Variants in ZFYVE9 observed in about 807,000 individuals in gnomAD.
ZFYVE9 encodes zinc finger FYVE domain-containing protein 9.
In ZFYVE9, 43 loss-of-function variants were observed where a neutral mutation model predicts 126.7. The observed-to-expected ratio is 0.34, with a 90% CI of 0.27 to 0.44. The LOEUF (loss-of-function observed/expected upper bound fraction) is 0.44, where lower values mean the gene tolerates loss of function less well. Among genes scored for constraint, ZFYVE9 ranks in the 20% least tolerant of loss-of-function variants. The probability of loss-of-function intolerance (pLI) is 1.00; values close to 1 mark genes in which losing one functional copy is unlikely to be tolerated. For synonymous variants in ZFYVE9, 521 were observed against 597.4 expected (o/e 0.87, Z 1.87); for missense variants, 1,476 against 1,697.0 (o/e 0.87, Z 2.29).
intron 1 of ZFYVE9, among the ~76,000 whole-genome samples, chr1:52,184,146 C>T (rs1644741323): frequency 6.7e-6 from 1 of 149,072 alleles, no homozygotes; most frequent in Admixed American, 6.7e-5. Context: ...TAAATTAGGT[C>T]ATTTCATGGT....
intron 1 of ZFYVE9, among the ~76,000 whole-genome samples, chr1:52,145,674 A>C (rs1165438735): frequency 2.0e-5 from 3 of 152,204 alleles, no homozygotes; most frequent in Non-Finnish European, 4.4e-5. Context: ...GGAGGTGCTC[A>C]ATAAATGTAC....
At chr1:52,295,343 T>G (rs764865263) in intron 11 of ZFYVE9, among the ~76,000 whole-genome samples, 22 of 62,480 alleles carry the variant, frequency 3.5e-4, no homozygotes, top group South Asian at 3.3e-3. Context: ...CTTGTGGGTT[T>G]GTTTGTTTGT....
At chr1:52,177,863 A>T (rs909633113) in intron 1 of ZFYVE9, among the ~76,000 whole-genome samples, 1 of 152,124 alleles carries the variant, frequency 6.6e-6, no homozygotes, top group Admixed American at 6.6e-5. Context: ...GCTGAAAGGA[A>T]TTGAGGGCAA....
At chr1:52,256,969 A>C (rs1362569657) in intron 4 of ZFYVE9, among the ~76,000 whole-genome samples, 2 of 152,284 alleles carry the variant, frequency 1.3e-5, no homozygotes, top group East Asian at 3.9e-4. Context: ...CTTTTTGAAG[A>C]CCTGGGACAT....
intron 2 of ZFYVE9, among the ~76,000 whole-genome samples, chr1:52,229,935 T>G (rs1645202285): frequency 6.6e-6 from 1 of 150,802 alleles, no homozygotes; most frequent in East Asian, 2.0e-4. Context: ...TGGTGTGATC[T>G]CGGCTCACTG....
intron 4 of ZFYVE9, among the ~76,000 whole-genome samples, chr1:52,261,329 C>A (rs1193970266): frequency 6.6e-6 from 1 of 151,544 alleles, no homozygotes; most frequent in Non-Finnish European, 1.5e-5. Flanking sequence ...CTTCAAACTC[C>A]TGGCTTCAAG....
intron 1 of ZFYVE9, among the ~76,000 whole-genome samples, chr1:52,174,575 C>T (rs141015689): frequency 0.96 from 134,208 of 139,924 alleles, 64,335 homozygotes; most frequent in East Asian, 0.99. Context: ...CTTTCTGTCT[C>T]ATTGATCTGT....
chr1:52,194,342 G>A (rs1644841880), intron 1 of ZFYVE9, among the ~76,000 whole-genome samples: 1 of 151,972 alleles, frequency 6.6e-6, no homozygotes, highest in East Asian at 1.9e-4. Context: ...ATGAAGATTG[G>A]TGAATTTGAC....
Position 52,244,287 on chromosome 1 carries a change from TG to T in ZFYVE9, c.2178+4693del, listed in dbSNP as rs139416385. ...CTTTTTGGAGGATGGGAAATACTGT[TG>T]TATTTTTATAGTGGTATGGGTGATT... is the stretch of plus-strand genomic sequence containing the variant. On this transcript the variant is annotated intron_variant, in intron 4 of 18. Coordinates refer to ENST00000287727, the MANE Select transcript of ZFYVE9 (RefSeq NM_004799.4). Among the ~76,000 whole-genome samples, 742 of 152,282 alleles carry T rather than the reference TG, an allele frequency of 4.9e-3. 4 individuals carry two copies. The highest frequency in any genetic ancestry group is 0.017 in the African/African-American group (709 of 41,560).
chr1:52,295,819 T>G, intron 11 of ZFYVE9, 76 bp from the exon 12 acceptor site: 1 of 1,220,340 alleles, frequency 8.2e-7, no homozygotes, highest in Non-Finnish European at 1.2e-6. Context: ...TTTTGAAAAT[T>G]GTATTAGTCA....
At chr1:52,285,472 G>A (rs776100807) in intron 10 of ZFYVE9, among the ~76,000 whole-genome samples, 62 of 152,084 alleles carry the variant, frequency 4.1e-4, no homozygotes, top group Non-Finnish European at 8.1e-4. Flanking sequence ...TCACGTTAGC[G>A]CCTGAGCTCT....
chr1:52,209,529 T>C (rs371119090), intron 1 of ZFYVE9, among the ~76,000 whole-genome samples: 1 of 152,150 alleles, frequency 6.6e-6, no homozygotes, highest in East Asian at 1.9e-4. Flanking sequence ...GCAACACTAA[T>C]ACACTTTCTG....
rs12075211 is a variant in ZFYVE9, at chr1:52,265,296, C to G, written c.2279-1359C>G. On this transcript the variant is annotated intron_variant, in intron 5 of 18. Transcript: ENST00000287727. ...TTCCCTTTCTCCTTTTCTCTTCCTC[C>G]CCTCTTTCTGCCAGTGCTTTCAAAG... Among the ~76,000 whole-genome samples, 1,204 of 152,242 alleles carry G rather than the reference C, an allele frequency of 7.9e-3. 9 individuals carry two copies. The highest frequency in any genetic ancestry group is 0.027 in the African/African-American group (1,141 of 41,546).
intron 1 of ZFYVE9, among the ~76,000 whole-genome samples, chr1:52,200,351 A>G (rs2124567613): frequency 6.6e-6 from 1 of 150,386 alleles, no homozygotes; most frequent in South Asian, 2.1e-4. Context: ...GCTAATTTTT[A>G]TATTTTTTTT....
At position 52,340,250 on chromosome 1, in the gene ZFYVE9, G is replaced by T; in HGVS notation, c.3939+19G>T. On this transcript the variant is annotated intron_variant, in intron 17 of 18. Transcript: ENST00000287727. ...GACAGAGGTAAGGAAATGAAACTTG[G>T]CATACTTGACCCACTTTGAGCACAA... 6.2e-7 allele frequency: 1 copy of T among 1,601,064 alleles called. No individual in the cohort carries two copies. The highest frequency in any genetic ancestry group is 8.6e-7 in the Non-Finnish European group (1 of 1,169,006).
chr1:52,272,671 A>ACCTTTTTTTTTTTTTTTT (rs1162973754), intron 7 of ZFYVE9, among the ~76,000 whole-genome samples: 3 of 134,850 alleles, frequency 2.2e-5, no homozygotes, highest in African/African-American at 1.0e-4. Flanking sequence ...GCTAGAAATA[A>ACCTTTTTTTTTTTTTTTT]TCTTTTTTTT....
intron 1 of ZFYVE9, among the ~76,000 whole-genome samples, chr1:52,188,933 T>TA (rs1431223657): frequency 5.9e-5 from 9 of 151,812 alleles, no homozygotes; most frequent in Non-Finnish European, 1.0e-4. Context: ...TATTTTATTT[T>TA]TATTTATTTA....
intron 1 of ZFYVE9, among the ~76,000 whole-genome samples, chr1:52,210,663 C>G (rs542874524): frequency 1.3e-5 from 2 of 152,078 alleles, no homozygotes; most frequent in South Asian, 4.2e-4. Context: ...CTCTCTCTCT[C>G]TATTTTTTTG....
chr1:52,327,723 C>T (rs1175039044), intron 13 of ZFYVE9, among the ~76,000 whole-genome samples: 2 of 151,984 alleles, frequency 1.3e-5, no homozygotes, highest in African/African-American at 4.8e-5. Context: ...CATGTGATCC[C>T]ATCACTTTGG....
Sources: gnomAD v4.1 joint callset for allele counts (sites outside exome capture counted in the v4.1 genomes callset) on GRCh38, gnomAD v4.1.1 for gene constraint, MANE v1.5 for transcripts, NCBI Gene and HGNC (gene_info 2026-07-23, HGNC 2026-07-21) for gene names.